LARP1B: variants seen among roughly 807,000 people sequenced by gnomAD.
LARP1B encodes la-related protein 1B.
LARP1B carries 76 observed loss-of-function variants against 114.2 expected under a neutral mutation model. The observed-to-expected ratio is 0.67, with a 90% CI of 0.55 to 0.81. The LOEUF (loss-of-function observed/expected upper bound fraction) is 0.81, where lower values mean the gene tolerates loss of function less well. LARP1B is among the 30% of genes least tolerant of loss of function. LARP1B has a pLI of 0.00. For missense variants in LARP1B, 1,014 were observed against 1,075.8 expected, an observed-to-expected ratio of 0.94 and a Z score of 0.80; for synonymous variants, 345 against 348.0, an observed-to-expected ratio of 0.99 and a Z score of 0.10.
At chr4:128,145,148 G>A (rs1451918580) in intron 11 of LARP1B, among the ~76,000 whole-genome samples, 5 of 152,052 alleles carry the variant, frequency 3.3e-5, no homozygotes, top group East Asian at 1.9e-4. Context: ...TTACTCTTTC[G>A]TTAGGTTAGA....
chr4:128,122,410 A>T (rs1561311445), intron 11 of LARP1B: 9 of 1,489,896 alleles, frequency 6.0e-6, no homozygotes, highest in Non-Finnish European at 8.0e-6. Context: ...TTACAAAAGA[A>T]AATTAGTACT....
At chr4:128,152,350 CATA>C in intron 11 of LARP1B, among the ~76,000 whole-genome samples, 1 of 151,618 alleles carries the variant, frequency 6.6e-6, no homozygotes. Context: ...ACTACAGGCG[CATA>C]CCACCACGCC....
rs534323066 is a variant in LARP1B, at chr4:128,138,463, C to A, written c.1524+16275C>A. ...AAATATAGATATTTTATTAACATAT[C>A]TTTTTATGATTGGAATGAATAATTT... On this transcript the variant is annotated intron_variant, in intron 11 of 19. Coordinates refer to ENST00000326639, the MANE Select transcript of LARP1B (RefSeq NM_018078.4). 3.9e-4 allele frequency among the ~76,000 whole-genome samples: 59 copies of A among 152,200 alleles called. No individual in the cohort carries two copies. The South Asian group carries it at 5.4e-3, about 14-fold the overall frequency.
intron 3 of LARP1B, among the ~76,000 whole-genome samples, chr4:128,076,020 T>C (rs1767701067): frequency 6.6e-6 from 1 of 152,080 alleles, no homozygotes; most frequent in African/African-American, 2.4e-5. Context: ...CATCTGGTTA[T>C]ATTCTTTTTT....
At chr4:128,081,058 G>A (rs1770146158) in intron 4 of LARP1B, among the ~76,000 whole-genome samples, 1 of 149,686 alleles carries the variant, frequency 6.7e-6, no homozygotes, top group African/African-American at 2.5e-5. Context: ...GTACTAAACA[G>A]GAATGTTATG....
chr4:128,113,170 G>T (rs2149879495), intron 9 of LARP1B, among the ~76,000 whole-genome samples: 1 of 152,110 alleles, frequency 6.6e-6, no homozygotes, highest in South Asian at 2.1e-4. Flanking sequence ...TATATTTGAG[G>T]CTTACAACAT....
At chr4:128,108,613 C>G (rs1467949564) in intron 9 of LARP1B, 2 of 985,224 alleles carry the variant, frequency 2.0e-6, no homozygotes, top group East Asian at 1.1e-4. Flanking sequence ...CTTGGACAGG[C>G]ATTTTAAAAG....
intron 11 of LARP1B, among the ~76,000 whole-genome samples, chr4:128,134,295 C>T (rs74554471): frequency 0.018 from 2,727 of 152,182 alleles, 66 homozygotes; most frequent in East Asian, 0.1. Flanking sequence ...GCTACTGAAG[C>T]TGGCTGGGTA....
chr4:128,183,196 A>T (rs1018037377), intron 15 of LARP1B, among the ~76,000 whole-genome samples: 1 of 152,328 alleles, frequency 6.6e-6, no homozygotes, highest in Non-Finnish European at 1.5e-5. Flanking sequence ...TAAACAATAG[A>T]TTTTCAGTGT....
intron 3 of LARP1B, among the ~76,000 whole-genome samples, chr4:128,077,530 TGG>T (rs1161541748): frequency 2.4e-5 from 2 of 84,444 alleles, no homozygotes; most frequent in Admixed American, 3.6e-4. Flanking sequence ...AAAAAAAAAG[TGG>T]TATTGATTTG....
At chr4:128,134,665 G>A (rs1010841715) in intron 11 of LARP1B, among the ~76,000 whole-genome samples, 1 of 152,174 alleles carries the variant, frequency 6.6e-6, no homozygotes, top group Admixed American at 6.5e-5. Context: ...CCTATGGAAT[G>A]CAGAAAAATA....
At chr4:128,217,186 G>A in intron 6 of LARP1B, among the ~76,000 whole-genome samples, 1 of 136,962 alleles carries the variant, frequency 7.3e-6, no homozygotes, top group Middle Eastern at 3.6e-3. Flanking sequence ...AGGACCAGAT[G>A]GATTCACAGC....
At chr4:128,155,644 C>T (rs1381139985) in intron 11 of LARP1B, 3 of 1,508,368 alleles carry the variant, frequency 2.0e-6, no homozygotes, top group Non-Finnish European at 2.8e-6. Context: ...CATCCGGGCC[C>T]TGGGGCCGCC....
intron 15 of LARP1B, among the ~76,000 whole-genome samples, chr4:128,196,542 A>G (rs958953538): frequency 7.9e-5 from 12 of 151,532 alleles, no homozygotes; most frequent in African/African-American, 2.9e-4. Context: ...GTAAAAAAGA[A>G]TTAACACCAA....
Position 128,106,380 on chromosome 4 carries a change from A to G in LARP1B, c.814-759A>G, listed in dbSNP as rs190359647. 4.1e-4 allele frequency among the ~76,000 whole-genome samples: 62 copies of G among 152,310 alleles called. No homozygotes were observed. The East Asian group carries it at 9.2e-3, about 23-fold the overall frequency. ...TAAAATGTAGTGGGCTTTAATTTTT[A>G]TAAGTTAATGTACATATAACTTTAT... is the stretch of plus-strand genomic sequence containing the variant. On this transcript the variant is annotated intron_variant, in intron 8 of 19. Coordinates refer to ENST00000326639, the MANE Select transcript of LARP1B (RefSeq NM_018078.4).
chr4:128,164,563 G>A (rs964474761), intron 12 of LARP1B, among the ~76,000 whole-genome samples: 2 of 152,112 alleles, frequency 1.3e-5, no homozygotes, highest in African/African-American at 4.8e-5. Flanking sequence ...TCATATTTGG[G>A]AAGACCAAAT....
intron 12 of LARP1B, among the ~76,000 whole-genome samples, chr4:128,165,478 G>C (rs1740387624): frequency 6.6e-6 from 1 of 151,898 alleles, no homozygotes; most frequent in Non-Finnish European, 1.5e-5. Flanking sequence ...TTCACTCTAT[G>C]CTAGTTATAT....
intron 15 of LARP1B, among the ~76,000 whole-genome samples, chr4:128,184,644 A>G (rs1309123544): frequency 6.6e-6 from 1 of 152,088 alleles, no homozygotes; most frequent in Non-Finnish European, 1.5e-5. Context: ...GTTATTGTTA[A>G]GTATGGTTAT....
At chr4:128,166,970 C>CTATATA (rs71593507) in intron 12 of LARP1B, among the ~76,000 whole-genome samples, 57 of 77,796 alleles carry the variant, frequency 7.3e-4, no homozygotes, top group African/African-American at 1.9e-3. Context: ...CTCTCTCTCT[C>CTATATA]TATATATATA....
Sources: gnomAD v4.1 joint callset for allele counts (sites outside exome capture counted in the v4.1 genomes callset) on GRCh38, gnomAD v4.1.1 for gene constraint, MANE v1.5 for transcripts, NCBI Gene and HGNC (gene_info 2026-07-23, HGNC 2026-07-21) for gene names.